Variants in MYOM2 observed in about 807,000 individuals in gnomAD.
MYOM2 encodes the protein myomesin 2.
Under a neutral mutation model 187.6 loss-of-function variants are expected in MYOM2, and 254 were observed. That is an observed-to-expected ratio of 1.35 (90% CI 1.22 to 1.50). The LOEUF (loss-of-function observed/expected upper bound fraction) is 1.50, where lower values mean the gene tolerates loss of function less well. Among genes scored for constraint, MYOM2 ranks in the 40% most tolerant of loss-of-function variants. The pLI is 0.00. For synonymous variants in MYOM2, 981 were observed against 753.8 expected (o/e 1.30, Z -4.94); for missense variants, 2,796 against 1,924.0 (o/e 1.45, Z -8.48).
In MYOM2 at chr8:2,116,798, C is replaced by A. The variant is rs187194316; in HGVS notation, c.3385+523C>A. 4.6e-3 allele frequency among the ~76,000 whole-genome samples: 699 copies of A among 152,260 alleles called. 6 individuals carry two copies. The highest frequency in any genetic ancestry group is 0.016 in the African/African-American group (673 of 41,544). On this transcript the variant is annotated intron_variant, in intron 27 of 36. Coordinates refer to ENST00000262113, the MANE Select transcript of MYOM2 (RefSeq NM_003970.4). The stretch of plus-strand genomic sequence containing the variant: ...TTTGAGATGGAGTCTTGCTCTGTTG[C>A]CCAGGCTGGAGTGCGGTGATGCCAT...
At chr8:2,054,322 A>G (rs1227690520) in intron 3 of MYOM2, among the ~76,000 whole-genome samples, 1 of 152,080 alleles carries the variant, frequency 6.6e-6, no homozygotes, top group Non-Finnish European at 1.5e-5. Context: ...GATGCTCTGA[A>G]GGCACTCAAC....
intron 13 of MYOM2, among the ~76,000 whole-genome samples, chr8:2,080,709 G>A (rs1819591180): frequency 6.6e-6 from 1 of 152,226 alleles, no homozygotes; most frequent in African/African-American, 2.4e-5. Context: ...TTTTTCGGAT[G>A]ATTAAAACAT....
At chr8:2,050,962 G>A in intron 2 of MYOM2, 89 bp downstream of exon 2, 1 of 1,035,704 alleles carries the variant, frequency 9.7e-7, no homozygotes, top group Non-Finnish European at 1.4e-6. Flanking sequence ...CAGCCCTGGA[G>A]AGGCACTGGT....
chr8:2,142,811 A>G (rs1027565973), intron 35 of MYOM2, among the ~76,000 whole-genome samples: 13 of 148,394 alleles, frequency 8.8e-5, no homozygotes, highest in Non-Finnish European at 1.8e-4. Flanking sequence ...GCTGGAGTGC[A>G]ATGGCATGAT....
chr8:2,084,725 T>C (rs1163774606), intron 13 of MYOM2, among the ~76,000 whole-genome samples: 1 of 152,202 alleles, frequency 6.6e-6, no homozygotes, highest in South Asian at 2.1e-4. Flanking sequence ...AGACATAGAA[T>C]ACAGTGCCTG....
intron 17 of MYOM2, among the ~76,000 whole-genome samples, chr8:2,094,356 T>C (rs1478958909): frequency 6.7e-6 from 1 of 149,060 alleles, no homozygotes; most frequent in Non-Finnish European, 1.5e-5. Context: ...TGTACTCATG[T>C]TAAAATATAT....
chr8:2,143,195 A>G (rs1218767205), intron 35 of MYOM2, among the ~76,000 whole-genome samples: 1 of 151,976 alleles, frequency 6.6e-6, no homozygotes, highest in Non-Finnish European at 1.5e-5. Context: ...CCCTTCACAG[A>G]GTCTGTTATC....
At chr8:2,062,541 C>T (rs982388211) in intron 6 of MYOM2, among the ~76,000 whole-genome samples, 1 of 152,108 alleles carries the variant, frequency 6.6e-6, no homozygotes, top group African/African-American at 2.4e-5. Context: ...GCGGGGTAGG[C>T]CTGGGTTGGG....
At chr8:2,113,863 G>A (rs1215918567) in intron 25 of MYOM2, among the ~76,000 whole-genome samples, 2 of 152,216 alleles carry the variant, frequency 1.3e-5, no homozygotes, top group South Asian at 2.1e-4. Context: ...CATGTGTTTG[G>A]TATTTCTCAC....
chr8:2,077,791 G>T (rs554794235), intron 11 of MYOM2, among the ~76,000 whole-genome samples: 1 of 152,200 alleles, frequency 6.6e-6, no homozygotes. Context: ...GGGAATGAGG[G>T]TGCATTTGGA....
chr8:2,066,841 G>A (rs556615180), intron 6 of MYOM2, among the ~76,000 whole-genome samples: 1 of 152,362 alleles, frequency 6.6e-6, no homozygotes, highest in African/African-American at 2.4e-5. Context: ...ACATGGCTGT[G>A]CCTGTGGTGA....
chr8:2,101,121 C>T, intron 20 of MYOM2, 67 bp downstream of exon 20: 1 of 1,531,210 alleles, frequency 6.5e-7, no homozygotes, highest in Non-Finnish European at 8.9e-7. Context: ...AAAGGCGGGC[C>T]AATCACTTGA....
At chr8:2,077,896 T>G (rs1819488687) in intron 11 of MYOM2, among the ~76,000 whole-genome samples, 1 of 152,192 alleles carries the variant, frequency 6.6e-6, no homozygotes, top group Admixed American at 6.5e-5. Context: ...GACTTTTGGT[T>G]TTGACCTGTT....
chr8:2,109,691 T>G (rs1342320075), intron 25 of MYOM2, among the ~76,000 whole-genome samples, 160 bp downstream of exon 25: 1 of 152,178 alleles, frequency 6.6e-6, no homozygotes, highest in African/African-American at 2.4e-5. Flanking sequence ...GATGGTTGAT[T>G]CTTACAATGT....
intron 31 of MYOM2, among the ~76,000 whole-genome samples, chr8:2,126,066 A>G (rs898191752): frequency 6.6e-6 from 1 of 152,188 alleles, no homozygotes; most frequent in African/African-American, 2.4e-5. Flanking sequence ...AATGTGTCCA[A>G]GGGCCACTCA....
chr8:2,087,487 T>C (rs1796133083), intron 14 of MYOM2, among the ~76,000 whole-genome samples: 1 of 152,210 alleles, frequency 6.6e-6, no homozygotes, highest in African/African-American at 2.4e-5. Flanking sequence ...AATATAGTTA[T>C]TTGTGTTACG....
rs529946883 is a variant in MYOM2, at chr8:2,076,223, G to T, written c.1203G>T (p.Val401=). The change falls in exon 11 of 37, where the codon GTG becomes GTT. Residue 401 remains valine (V), a synonymous_variant. Coordinates refer to ENST00000262113, the MANE Select transcript of MYOM2 (RefSeq NM_003970.4). ...CHDANRDYVI[V]TWKPPNTTTE... is the part of the protein sequence containing the mutation. ...ACGCCAACCGGGACTACGTCATCGT[G>T]ACCTGGAAGCCGCCCAACACCACCA... 3.2e-5 allele frequency: 51 copies of T among 1,613,662 alleles called. 1 individual carries two copies. In the South Asian group the frequency reaches 5.2e-4, roughly 16 times the overall value.
rs1042708173 is a variant in MYOM2, at chr8:2,088,483, C to G, written c.1645-1525C>G. Among the ~76,000 whole-genome samples the G allele has an allele frequency of 5.9e-5, 9 of 152,210 alleles. No individual in the cohort carries two copies. In the South Asian group the frequency reaches 1.5e-3, roughly 25 times the overall value. ...TTGCCATCTTCGTGTGCGTGTGTAC[C>G]CAGTGTTTAGCTCCCACTTATAAGT... On this transcript the variant is annotated intron_variant, in intron 14 of 36. Transcript: ENST00000262113.
chr8:2,136,255 C>T (rs73657766), intron 32 of MYOM2, among the ~76,000 whole-genome samples: 19,786 of 152,078 alleles, frequency 0.13, 2,179 homozygotes, highest in African/African-American at 0.28. Context: ...GGAAGGGTAG[C>T]GTCCCAGCTG....
Sources: allele counts gnomAD v4.1 joint callset (sites outside exome capture counted in the v4.1 genomes callset), GRCh38; gene constraint gnomAD v4.1.1; transcripts MANE v1.5; gene names NCBI Gene and HGNC (gene_info 2026-07-23, HGNC 2026-07-21).